Variants in RORB observed in about 807,000 individuals in gnomAD.
RORB encodes nuclear receptor ROR-beta.
A neutral mutation model predicts 59.1 loss-of-function variants in RORB; 6 were observed. The ratio of observed to expected loss-of-function variants is 0.10; its 90% confidence interval spans 0.06 to 0.20. The LOEUF is 0.20. RORB is among the 10% of genes least tolerant of loss of function. The pLI is 1.00. For missense variants in RORB, 320 were observed against 560.5 expected, an observed-to-expected ratio of 0.57 and a Z score of 4.33; for synonymous variants, 215 against 204.5, an observed-to-expected ratio of 1.05 and a Z score of -0.44.
chr9:74,500,492 G>A (rs1587327883), intron 1 of RORB, among the ~76,000 whole-genome samples: 2 of 152,234 alleles, frequency 1.3e-5, no homozygotes, highest in African/African-American at 4.8e-5. Context: ...TGTTGGGAGA[G>A]GGGCCATTTT....
At position 74,617,812 on chromosome 9, in the gene RORB, A is replaced by C. The variant is rs187803621; in HGVS notation, c.8-12470A>C. ...GTGCAAATGAGAATACTTTCCTTTA[A>C]ATTCTGTATGTCTCCTTTTCAAAAA... is the stretch of plus-strand genomic sequence containing the variant. On this transcript the variant is annotated intron_variant, in intron 1 of 9. Coordinates refer to ENST00000376896, the MANE Select transcript of RORB (RefSeq NM_006914.4). 1.7e-4 allele frequency among the ~76,000 whole-genome samples: 26 copies of C among 152,206 alleles called. 1 individual carries two copies. In the South Asian group the frequency reaches 1.9e-3, roughly 11 times the overall value.
chr9:74,539,829 G>A lies in RORB; in HGVS notation c.7+41846G>A, dbSNP rs572634229. ...ACAATTCCAGAAAACCTTAAGTTTCGTTGTTAAATTGCCAAATCACTTACC... is the reference window on the plus strand; with the variant it reads ...ACAATTCCAGAAAACCTTAAGTTTCATTGTTAAATTGCCAAATCACTTACC... On this transcript the variant is annotated intron_variant, in intron 1 of 9. Coordinates refer to ENST00000376896, the MANE Select transcript of RORB (RefSeq NM_006914.4). Among the ~76,000 whole-genome samples, 42 of 141,152 alleles carry A rather than the reference G, an allele frequency of 3.0e-4. 1 individual carries two copies. Among genetic ancestry groups the A allele is most frequent in the South Asian group, 2.0e-3 (9 of 4,492 alleles). 92.6% of individuals were successfully genotyped at this position (141,152 alleles called of 152,430 possible). A position where few individuals can be genotyped will look rare whatever the true frequency, so the allele number is the denominator to read the frequency against.
At chr9:74,580,638 G>A (rs750269568) in intron 1 of RORB, among the ~76,000 whole-genome samples, 1 of 151,960 alleles carries the variant, frequency 6.6e-6, no homozygotes, top group Non-Finnish European at 1.5e-5. Flanking sequence ...AGGAATTAAG[G>A]CCATCAAAAT....
intron 1 of RORB, among the ~76,000 whole-genome samples, chr9:74,536,854 GAGAA>G (rs1261753127): frequency 2.0e-5 from 3 of 152,028 alleles, no homozygotes; most frequent in Non-Finnish European, 4.4e-5. Context: ...CAGAGAGAGA[GAGAA>G]AGAGAGAGAC....
intron 9 of RORB, among the ~76,000 whole-genome samples, chr9:74,682,413 C>T (rs1368205514): frequency 6.6e-6 from 1 of 151,480 alleles, no homozygotes; most frequent in Non-Finnish European, 1.5e-5. Flanking sequence ...TGCACATGTA[C>T]CCTAAAACTT....
At chr9:74,517,884 T>C (rs566644716) in intron 1 of RORB, among the ~76,000 whole-genome samples, 48 of 152,070 alleles carry the variant, frequency 3.2e-4, no homozygotes, top group Admixed American at 1.8e-3. Flanking sequence ...TGCTAAATAC[T>C]TCATGTGAAT....
chr9:74,634,405 A>C (rs147483177), intron 2 of RORB, among the ~76,000 whole-genome samples: 1 of 152,344 alleles, frequency 6.6e-6, no homozygotes, highest in African/African-American at 2.4e-5. Context: ...CAAGGAATGA[A>C]TGAATGAATG....
At chr9:74,628,222 T>C (rs1352073150) in intron 1 of RORB, among the ~76,000 whole-genome samples, 1 of 152,202 alleles carries the variant, frequency 6.6e-6, no homozygotes, top group Non-Finnish European at 1.5e-5. Flanking sequence ...GCTCGTGTAA[T>C]CTAAAAGCTA....
At chr9:74,520,961 C>T (rs1826078102) in intron 1 of RORB, among the ~76,000 whole-genome samples, 1 of 151,818 alleles carries the variant, frequency 6.6e-6, no homozygotes, top group African/African-American at 2.4e-5. Context: ...TAAATTGAGG[C>T]AATCATCTTC....
intron 1 of RORB, among the ~76,000 whole-genome samples, chr9:74,533,063 C>A (rs2118104604): frequency 1.3e-5 from 2 of 151,882 alleles, no homozygotes; most frequent in African/African-American, 4.8e-5. Flanking sequence ...GCATCATTTT[C>A]TCTGTATTTC....
intron 1 of RORB, among the ~76,000 whole-genome samples, chr9:74,616,548 G>T (rs1033005201): frequency 6.6e-6 from 1 of 152,128 alleles, no homozygotes; most frequent in Non-Finnish European, 1.5e-5. Flanking sequence ...GCTATTACCA[G>T]CAGATTGCAT....
chr9:74,524,233 G>A (rs1282403395), intron 1 of RORB, among the ~76,000 whole-genome samples: 1 of 151,734 alleles, frequency 6.6e-6, no homozygotes. Flanking sequence ...AGAGAAGACT[G>A]TGGAAAGGCT....
At chr9:74,555,276 T>A (rs560693097) in intron 1 of RORB, among the ~76,000 whole-genome samples, 12 of 152,202 alleles carry the variant, frequency 7.9e-5, no homozygotes, top group Non-Finnish European at 1.5e-4. Flanking sequence ...ACTGTAAATC[T>A]TCTTTTTCAT....
At chr9:74,529,537 G>T (rs992670073) in intron 1 of RORB, among the ~76,000 whole-genome samples, 1 of 151,366 alleles carries the variant, frequency 6.6e-6, no homozygotes, top group African/African-American at 2.4e-5. Context: ...ATAGTACTTG[G>T]CTCAATGACT....
At chr9:74,643,939 C>T (rs1823853589) in intron 4 of RORB, among the ~76,000 whole-genome samples, 1 of 152,228 alleles carries the variant, frequency 6.6e-6, no homozygotes, top group African/African-American at 2.4e-5. Flanking sequence ...TTGTAGCTCA[C>T]AGGGACATTG....
chr9:74,679,820 T>C (rs1824514454), intron 9 of RORB, among the ~76,000 whole-genome samples: 1 of 152,094 alleles, frequency 6.6e-6, no homozygotes, highest in Non-Finnish European at 1.5e-5. Flanking sequence ...GTTGATGTAT[T>C]CATTAAGACT....
chr9:74,645,358 G>T (rs1056794839), intron 4 of RORB, among the ~76,000 whole-genome samples: 2 of 152,106 alleles, frequency 1.3e-5, no homozygotes, highest in African/African-American at 2.4e-5. Flanking sequence ...CAGTATCACT[G>T]GGCAGGAAGG....
chr9:74,541,308 T>TAAAAAAA (rs1826404699), intron 1 of RORB, among the ~76,000 whole-genome samples: 39 of 79,756 alleles, frequency 4.9e-4, no homozygotes, highest in South Asian at 1.9e-3. Flanking sequence ...AAAAAAAAAG[T>TAAAAAAA]AAAGGCTTTT....
At chr9:74,546,277 A>G (rs1444630589) in intron 1 of RORB, among the ~76,000 whole-genome samples, 1 of 152,224 alleles carries the variant, frequency 6.6e-6, no homozygotes, top group African/African-American at 2.4e-5. Flanking sequence ...GGTTTAGGGA[A>G]TCATCTTCAG....
Sources: allele counts gnomAD v4.1 joint callset (sites outside exome capture counted in the v4.1 genomes callset), GRCh38; gene constraint gnomAD v4.1.1; transcripts MANE v1.5; gene names NCBI Gene and HGNC (gene_info 2026-07-23, HGNC 2026-07-21).